ARHGAP15: variants seen among roughly 807,000 people sequenced by gnomAD.
ARHGAP15 encodes the protein rho GTPase-activating protein 15.
Under a neutral mutation model 63.7 loss-of-function variants are expected in ARHGAP15, and 51 were observed. That is an observed-to-expected ratio of 0.80 (90% CI 0.64 to 1.01). The LOEUF is 1.01. ARHGAP15 is among the 50% of genes least tolerant of loss of function. The pLI, the probability that ARHGAP15 is intolerant of heterozygous loss-of-function variation, is 0.00. For synonymous variants in ARHGAP15, 191 were observed against 193.8 expected, an observed-to-expected ratio of 0.99 and a Z score of 0.12; for missense variants, 560 against 564.6, an observed-to-expected ratio of 0.99 and a Z score of 0.08.
intron 10 of ARHGAP15, among the ~76,000 whole-genome samples, chr2:143,555,915 T>TAGAAA (rs1695775295): frequency 1.0e-5 from 1 of 99,910 alleles, no homozygotes; most frequent in African/African-American, 4.4e-5. Flanking sequence ...TAGAATAGAA[T>TAGAAA]AGAATAGAAT....
chr2:143,620,572 GC>G (rs1698612051), intron 11 of ARHGAP15, among the ~76,000 whole-genome samples: 1 of 151,972 alleles, frequency 6.6e-6, no homozygotes, highest in South Asian at 2.1e-4. Flanking sequence ...TTCCCTTTCT[GC>G]TTCTGCCAGC....
At chr2:143,530,786 T>C (rs532325494) in intron 10 of ARHGAP15, among the ~76,000 whole-genome samples, 14 of 152,328 alleles carry the variant, frequency 9.2e-5, no homozygotes, top group Admixed American at 9.2e-4. Flanking sequence ...AGTCCATTTG[T>C]ATGATTCTTT....
chr2:143,316,759 C>T (rs1683739631), intron 6 of ARHGAP15, among the ~76,000 whole-genome samples: 1 of 151,640 alleles, frequency 6.6e-6, no homozygotes, highest in Non-Finnish European at 1.5e-5. Context: ...CAATCTAATG[C>T]CTCAACCTTC....
chr2:143,323,570 T>A (rs762297425), intron 6 of ARHGAP15, among the ~76,000 whole-genome samples: 1 of 152,146 alleles, frequency 6.6e-6, no homozygotes, highest in Non-Finnish European at 1.5e-5. Flanking sequence ...AATGATTCAG[T>A]GGCCCATTCT....
chr2:143,399,142 C>T (rs1687892275), intron 6 of ARHGAP15, among the ~76,000 whole-genome samples: 1 of 152,092 alleles, frequency 6.6e-6, no homozygotes, highest in Non-Finnish European at 1.5e-5. Context: ...CTGTTGCCAA[C>T]TGGCCACCTG....
At chr2:143,685,541 C>G (rs1243422801) in intron 12 of ARHGAP15, among the ~76,000 whole-genome samples, 1 of 152,228 alleles carries the variant, frequency 6.6e-6, no homozygotes, top group Non-Finnish European at 1.5e-5. Flanking sequence ...GGCATTCATA[C>G]AGGCATCTGT....
chr2:143,374,210 ATAT>A (rs1209142557), intron 6 of ARHGAP15, among the ~76,000 whole-genome samples: 2 of 152,166 alleles, frequency 1.3e-5, no homozygotes, highest in Non-Finnish European at 2.9e-5. Flanking sequence ...AAAGGGGAAA[ATAT>A]TATTCAGTTC....
chr2:143,642,022 G>C (rs1680626157), intron 12 of ARHGAP15, among the ~76,000 whole-genome samples: 1 of 151,944 alleles, frequency 6.6e-6, no homozygotes, highest in Non-Finnish European at 1.5e-5. Context: ...GGTAAATTGT[G>C]ATATAGAAAG....
intron 8 of ARHGAP15, among the ~76,000 whole-genome samples, chr2:143,441,804 A>G (rs1689895681): frequency 6.6e-6 from 1 of 152,210 alleles, no homozygotes; most frequent in African/African-American, 2.4e-5. Flanking sequence ...GTTTTCCTTT[A>G]GCTGTCTCTT....
intron 6 of ARHGAP15, among the ~76,000 whole-genome samples, chr2:143,383,152 T>C (rs1687128525): frequency 6.6e-6 from 1 of 152,162 alleles, no homozygotes. Context: ...TAAAAAGTCT[T>C]TTAAATTATA....
At chr2:143,711,529 G>T (rs571403949) in intron 13 of ARHGAP15, among the ~76,000 whole-genome samples, 1 of 152,300 alleles carries the variant, frequency 6.6e-6, no homozygotes, top group East Asian at 1.9e-4. Context: ...AAGGATTAGA[G>T]AATTAGGAAT....
intron 10 of ARHGAP15, among the ~76,000 whole-genome samples, chr2:143,542,677 G>GATATATATAATATCACATATATAATAT (rs1695131841): frequency 4.3e-5 from 6 of 138,314 alleles, no homozygotes; most frequent in African/African-American, 1.6e-4. Flanking sequence ...TGATATATAT[G>GATATATATAATATCACATATATAATAT]ATATGATATA....
intron 9 of ARHGAP15, among the ~76,000 whole-genome samples, chr2:143,511,312 T>C (rs1054746643): frequency 5.3e-5 from 8 of 152,188 alleles, no homozygotes; most frequent in Admixed American, 3.3e-4. Context: ...GAATTTTTTT[T>C]CCCAATCAAT....
At chr2:143,459,613 A>C (rs980243155) in intron 8 of ARHGAP15, among the ~76,000 whole-genome samples, 1 of 152,168 alleles carries the variant, frequency 6.6e-6, no homozygotes, top group Non-Finnish European at 1.5e-5. Flanking sequence ...ATACACACTG[A>C]AAGCCTTAGA....
At chr2:143,218,231 G>T (rs1441008402) in intron 4 of ARHGAP15, among the ~76,000 whole-genome samples, 1 of 145,190 alleles carries the variant, frequency 6.9e-6, no homozygotes, top group Non-Finnish European at 1.5e-5. Flanking sequence ...ATACCATTAT[G>T]CATTCTTTCA....
At chr2:143,580,010 A>G (rs1445123930) in intron 11 of ARHGAP15, among the ~76,000 whole-genome samples, 1 of 145,110 alleles carries the variant, frequency 6.9e-6, no homozygotes, top group African/African-American at 2.5e-5. Context: ...TTGTTTTATT[A>G]AGAAAGAACA....
At chr2:143,345,452 T>C (rs1685227805) in intron 6 of ARHGAP15, among the ~76,000 whole-genome samples, 1 of 152,118 alleles carries the variant, frequency 6.6e-6, no homozygotes, top group African/African-American at 2.4e-5. Flanking sequence ...TATTCCAAAG[T>C]ACTCTTCCAC....
chr2:143,554,532 A>G (rs1381020200), intron 10 of ARHGAP15, among the ~76,000 whole-genome samples: 2 of 152,176 alleles, frequency 1.3e-5, no homozygotes, highest in Admixed American at 6.6e-5. Context: ...AACTTTGAGA[A>G]GGACACACTT....
At chr2:143,577,327 A>G (rs1478831317) in intron 11 of ARHGAP15, among the ~76,000 whole-genome samples, 1 of 152,160 alleles carries the variant, frequency 6.6e-6, no homozygotes, top group Non-Finnish European at 1.5e-5. Flanking sequence ...ATCTTTCAAG[A>G]TATGAGAATG....
Sources: allele counts gnomAD v4.1 joint callset (sites outside exome capture counted in the v4.1 genomes callset), GRCh38; gene constraint gnomAD v4.1.1; transcripts MANE v1.5; gene names NCBI Gene and HGNC (gene_info 2026-07-23, HGNC 2026-07-21).